CTNNA2: variants seen among roughly 807,000 people sequenced by gnomAD.
CTNNA2 encodes the protein catenin alpha-2.
CTNNA2 carries 42 observed loss-of-function variants against 101.0 expected under a neutral mutation model. The observed-to-expected ratio is 0.42, with a 90% CI of 0.32 to 0.54. The LOEUF is 0.54. Among genes scored for constraint, CTNNA2 ranks in the 20% least tolerant of loss-of-function variants. The probability of loss-of-function intolerance (pLI) is 0.14; values close to 1 mark genes in which losing one functional copy is unlikely to be tolerated. For missense variants in CTNNA2, 871 were observed against 1,223.1 expected, an observed-to-expected ratio of 0.71 and a Z score of 4.29; for synonymous variants, 450 against 456.4, an observed-to-expected ratio of 0.99 and a Z score of 0.18.
intron 4 of CTNNA2, among the ~76,000 whole-genome samples, chr2:79,408,357 G>A (rs1398162698): frequency 6.6e-6 from 1 of 151,032 alleles, no homozygotes; most frequent in Admixed American, 6.6e-5. Flanking sequence ...ACAATGTGCA[G>A]GTTAGTTACA....
Position 79,501,093 on chromosome 2 carries a change from T to C in CTNNA2, c.-134-3961T>C, listed in dbSNP as rs76798611. On this transcript the variant is annotated intron_variant, in intron 4 of 21. Transcript: ENST00000466387. ...ATTGTTTTAAAACAATAAGGTACTCTCCTTTGTTTTTGTTTTTGTCTTGTT... is the reference window on the plus strand; with the variant it reads ...ATTGTTTTAAAACAATAAGGTACTCCCCTTTGTTTTTGTTTTTGTCTTGTT... 0.012 allele frequency among the ~76,000 whole-genome samples: 1,774 copies of C among 152,270 alleles called. 89 individuals carry two copies. The East Asian group carries it at 0.14, about 12-fold the overall frequency.
At chr2:80,392,865 A>G (rs2149366560) in intron 7 of CTNNA2, among the ~76,000 whole-genome samples, 1 of 152,340 alleles carries the variant, frequency 6.6e-6, no homozygotes, top group East Asian at 1.9e-4. Context: ...CCTACACAAT[A>G]TAGACACACA....
chr2:80,099,024 G>A (rs1349387584), intron 7 of CTNNA2, among the ~76,000 whole-genome samples: 1 of 151,880 alleles, frequency 6.6e-6, no homozygotes, highest in Non-Finnish European at 1.5e-5. Flanking sequence ...TGCACCCACT[G>A]TCCGGCACTC....
intron 3 of CTNNA2, among the ~76,000 whole-genome samples, chr2:79,779,816 C>T (rs1674285209): frequency 1.3e-5 from 2 of 152,112 alleles, no homozygotes; most frequent in Non-Finnish European, 2.9e-5. Flanking sequence ...TCTAAGCCCC[C>T]CAGCCATCTG....
intron 1 of CTNNA2, among the ~76,000 whole-genome samples, chr2:79,620,320 C>A (rs1268708526): frequency 1.3e-5 from 2 of 152,154 alleles, no homozygotes; most frequent in Non-Finnish European, 2.9e-5. Flanking sequence ...CTCATTGCTG[C>A]TTCTATATTT....
At chr2:79,260,482 T>G (rs2104285696) in intron 2 of CTNNA2, among the ~76,000 whole-genome samples, 1 of 152,344 alleles carries the variant, frequency 6.6e-6, no homozygotes, top group African/African-American at 2.4e-5. Flanking sequence ...CACTTGGGTT[T>G]GCTGAACTGA....
At chr2:80,159,976 G>C (rs1329325203) in intron 7 of CTNNA2, among the ~76,000 whole-genome samples, 1 of 151,996 alleles carries the variant, frequency 6.6e-6, no homozygotes, top group East Asian at 1.9e-4. Context: ...CATTTGAGCT[G>C]TGATCTATTT....
intron 7 of CTNNA2, among the ~76,000 whole-genome samples, chr2:79,930,286 G>A (rs891370171): frequency 0.04 from 2,971 of 74,780 alleles, 44 homozygotes; most frequent in Middle Eastern, 0.075. Flanking sequence ...AAGAGAGAGA[G>A]AGAGAAAGAG....
At chr2:79,860,856 C>G (rs1681569763) in intron 4 of CTNNA2, among the ~76,000 whole-genome samples, 1 of 152,112 alleles carries the variant, frequency 6.6e-6, no homozygotes, top group African/African-American at 2.4e-5. Flanking sequence ...CATAGTTCTA[C>G]TCAGTAGTAG....
chr2:79,199,839 C>A (rs530330280), intron 2 of CTNNA2, among the ~76,000 whole-genome samples: 1 of 152,178 alleles, frequency 6.6e-6, no homozygotes, highest in Non-Finnish European at 1.5e-5. Flanking sequence ...GTAGCTGGGA[C>A]TACAGATGGT....
chr2:80,414,817 T>A (rs547758737), intron 8 of CTNNA2, among the ~76,000 whole-genome samples: 1 of 152,300 alleles, frequency 6.6e-6, no homozygotes, highest in Non-Finnish European at 1.5e-5. Context: ...GACTAAGAAT[T>A]TGACAATAGG....
chr2:80,560,046 C>T (rs1376497779), intron 12 of CTNNA2, among the ~76,000 whole-genome samples: 1 of 54,298 alleles, frequency 1.8e-5, no homozygotes, highest in African/African-American at 7.5e-5. Context: ...TCAGAGGAAA[C>T]AATAGACCAA....
chr2:79,568,204 A>G (rs1675234337), intron 1 of CTNNA2, among the ~76,000 whole-genome samples: 1 of 152,152 alleles, frequency 6.6e-6, no homozygotes, highest in Non-Finnish European at 1.5e-5. Flanking sequence ...TTTCAGAGTT[A>G]TTCTTATTAT....
chr2:80,288,856 C>T (rs776898749), intron 7 of CTNNA2: 1 of 152,186 alleles, frequency 6.6e-6, no homozygotes, highest in Non-Finnish European at 1.5e-5. Context: ...CCCGGATAAA[C>T]CAGTGGAGCT....
rs576392188 is a variant in CTNNA2 at position 79,341,824 on chromosome 2, G to C, written c.-318+29028G>C. 2.0e-5 allele frequency among the ~76,000 whole-genome samples: 3 copies of C among 152,296 alleles called. No individual in the cohort carries two copies. The East Asian group carries it at 5.8e-4, about 29-fold the overall frequency. On this transcript the variant is annotated intron_variant, in intron 3 of 21. Coordinates refer to the CTNNA2 transcript ENST00000466387. ...TAGCCCAGTGGGAATCAGGACTTGGGAAACTGATGCAAATGATATTCTGGC... is the reference window on the plus strand; with the variant it reads ...TAGCCCAGTGGGAATCAGGACTTGGCAAACTGATGCAAATGATATTCTGGC...
intron 2 of CTNNA2, among the ~76,000 whole-genome samples, chr2:79,669,935 A>G (rs1220140603): frequency 1.3e-5 from 2 of 152,142 alleles, no homozygotes; most frequent in African/African-American, 4.8e-5. Context: ...GCCCCCAGCC[A>G]TTCCGTGGCC....
Position 80,075,625 on chromosome 2 carries a change from TA to T in CTNNA2, c.1056+165829del, listed in dbSNP as rs1698657729. Among the ~76,000 whole-genome samples the T allele has an allele frequency of 4.0e-5, 4 of 100,844 alleles. No individual in the cohort carries two copies. In the South Asian group the frequency reaches 1.1e-3, roughly 27 times the overall value. 66.2% of individuals were successfully genotyped at this position (100,844 alleles called of 152,430 possible). A position where few individuals can be genotyped will look rare whatever the true frequency, so the allele number is the denominator to read the frequency against. On this transcript the variant is annotated intron_variant, in intron 7 of 18. Coordinates refer to ENST00000402739, the MANE Select transcript of CTNNA2 (RefSeq NM_001282597.3). ...ATATTTATACATGTATAAATATAAA[TA>T]TTTATACATGTATAAATATTATAAA...
At chr2:80,350,486 A>G (rs1374077265) in intron 7 of CTNNA2, among the ~76,000 whole-genome samples, 1 of 152,230 alleles carries the variant, frequency 6.6e-6, no homozygotes, top group African/African-American at 2.4e-5. Flanking sequence ...CGCAGTTGCT[A>G]CAAGAAGTGG....
At position 80,070,786 on chromosome 2, in the gene CTNNA2, C is replaced by T. The variant is rs1245174715; in HGVS notation, c.1056+160989C>T. ...CAAGGTGTGAGCAGACTCATACTCC[C>T]CCTGAAGGCTCTAGGGGGGAATCTC... On this transcript the variant is annotated intron_variant, in intron 7 of 18. Coordinates refer to ENST00000402739, the MANE Select transcript of CTNNA2 (RefSeq NM_001282597.3). 2.0e-5 allele frequency among the ~76,000 whole-genome samples: 3 copies of T among 152,030 alleles called. No homozygotes were observed. In the South Asian group the frequency reaches 6.2e-4, roughly 31 times the overall value.
Sources: allele counts gnomAD v4.1 joint callset (sites outside exome capture counted in the v4.1 genomes callset), GRCh38; gene constraint gnomAD v4.1.1; transcripts MANE v1.5; gene names NCBI Gene and HGNC (gene_info 2026-07-23, HGNC 2026-07-21).